Variants in UBTD2 observed in about 807,000 individuals in gnomAD.
UBTD2 encodes ubiquitin domain containing 2, also known as ubiquitin domain-containing protein 2.
UBTD2 carries 9 observed loss-of-function variants against 19.8 expected under a neutral mutation model. That is an observed-to-expected ratio of 0.46 (90% CI 0.27 to 0.79). The LOEUF is 0.79. Ranked by LOEUF, UBTD2 falls within the 30% of genes least tolerant of loss-of-function variation. UBTD2 has a pLI of 0.14. For missense variants in UBTD2, 250 were observed against 300.4 expected (o/e 0.83, Z 1.24); for synonymous variants, 98 against 103.9 (o/e 0.94, Z 0.35).
intron 1 of UBTD2, among the ~76,000 whole-genome samples, chr5:172,250,464 A>T (rs1235411201): frequency 6.6e-6 from 1 of 152,146 alleles, no homozygotes; most frequent in Non-Finnish European, 1.5e-5. Flanking sequence ...TGAGGAATCT[A>T]AGCATTCAAA....
At chr5:172,240,092 C>T (rs1021947106) in intron 1 of UBTD2, among the ~76,000 whole-genome samples, 4 of 152,150 alleles carry the variant, frequency 2.6e-5, no homozygotes, top group African/African-American at 9.7e-5. Flanking sequence ...TTCACTATGG[C>T]CAATGGAATG....
intron 1 of UBTD2, among the ~76,000 whole-genome samples, chr5:172,271,573 G>A (rs1207068718): frequency 6.6e-6 from 1 of 151,976 alleles, no homozygotes; most frequent in East Asian, 1.9e-4. Context: ...CTACTTAAAT[G>A]TATGATTCCT....
chr5:172,283,990 G>C (rs1406671297), upstream of UBTD2: 1 of 148,884 alleles, frequency 6.7e-6, no homozygotes, highest in East Asian at 2.0e-4. This position sits in a 1 kb window ranked among gnomAD's most constrained non-coding sequence, Gnocchi z 4.3. Flanking sequence ...CCCCCTCACA[G>C]CCCCGCACAC....
In UBTD2 at chr5:172,283,234, T is replaced by C. The variant is rs990334245; in HGVS notation, c.70+362A>G. On this transcript the variant is annotated intron_variant, in intron 1 of 2. Coordinates refer to ENST00000393792, the MANE Select transcript of UBTD2 (RefSeq NM_152277.3). This position sits in a 1 kb window ranked among gnomAD's most constrained non-coding sequence, Gnocchi z 4.3. ...CGCATCAAGCTCCCTCCCCCCGCCATCAATTCGCTTTTCTGCAACCCCGGC... is the reference window on the plus strand; with the variant it reads ...CGCATCAAGCTCCCTCCCCCCGCCACCAATTCGCTTTTCTGCAACCCCGGC... Among the ~76,000 whole-genome samples the C allele has an allele frequency of 1.3e-5, 2 of 151,972 alleles. No individual in the cohort carries two copies. Among genetic ancestry groups the C allele is most frequent in the Non-Finnish European group, 2.9e-5 (2 of 67,970 alleles).
At chr5:172,214,707 G>C (rs1771510854) in intron 2 of UBTD2, among the ~76,000 whole-genome samples, 3 of 152,166 alleles carry the variant, frequency 2.0e-5, no homozygotes, top group Admixed American at 2.0e-4. Context: ...CCGTATTTCA[G>C]TATTTTTAGA....
chr5:172,280,520 A>AC (rs1487337430), intron 1 of UBTD2, among the ~76,000 whole-genome samples: 5 of 151,442 alleles, frequency 3.3e-5, no homozygotes, highest in Admixed American at 2.0e-4. Context: ...AAAAAAAAAA[A>AC]AAAAAAAAAC....
chr5:172,244,446 G>A lies in UBTD2; in HGVS notation c.71-10088C>T, dbSNP rs545935647. ...GGGGTAGCTGGGATTACAGGCATGC[G>A]CCACCACGCCCGGCTAATTTTTTGT... On this transcript the variant is annotated intron_variant, in intron 1 of 2. Coordinates refer to ENST00000393792, the MANE Select transcript of UBTD2 (RefSeq NM_152277.3). Among the ~76,000 whole-genome samples the A allele has an allele frequency of 6.0e-3, 911 of 151,826 alleles. 8 individuals carry two copies. Among genetic ancestry groups the A allele is most frequent in the Non-Finnish European group, 8.4e-3 (573 of 67,914 alleles).
rs1241151556 is a variant in UBTD2, at chr5:172,218,810, T to TA, written c.308-6584dup. 2.4e-3 allele frequency among the ~76,000 whole-genome samples: 307 copies of TA among 128,354 alleles called. 3 individuals carry two copies. The highest frequency in any genetic ancestry group is 7.1e-3 in the African/African-American group (231 of 32,668). 84.2% of individuals were successfully genotyped at this position (128,354 alleles called of 152,430 possible). ...AAAAATAAAAAAATAAAAAAAAAAA[T>TA]AAAAAATAAAAATAAAAAAAATTCA... On this transcript the variant is annotated intron_variant, in intron 2 of 2. Coordinates refer to ENST00000393792, the MANE Select transcript of UBTD2 (RefSeq NM_152277.3).
chr5:172,256,978 CT>C (rs1006144028), intron 1 of UBTD2, among the ~76,000 whole-genome samples: 26 of 152,032 alleles, frequency 1.7e-4, no homozygotes, highest in African/African-American at 6.0e-4. Flanking sequence ...TTGATGAATT[CT>C]TTTTTTTCTT....
upstream of UBTD2, chr5:172,283,887 C>G (rs1291124041): frequency 6.0e-6 from 1 of 165,742 alleles, no homozygotes; most frequent in African/African-American, 2.4e-5. This position sits in a 1 kb window ranked among gnomAD's most constrained non-coding sequence, Gnocchi z 4.3. Context: ...GCCGCCCGCC[C>G]GGCAGGCCTG....
At chr5:172,282,966 A>T (rs1581238857) in intron 1 of UBTD2, among the ~76,000 whole-genome samples, 1 of 151,726 alleles carries the variant, frequency 6.6e-6, no homozygotes, top group Admixed American at 6.6e-5. Flanking sequence ...CCGGCCTAAC[A>T]CCCCCAAGCT....
chr5:172,235,404 G>C (rs1192518561), intron 1 of UBTD2, among the ~76,000 whole-genome samples: 1 of 152,180 alleles, frequency 6.6e-6, no homozygotes, highest in Non-Finnish European at 1.5e-5. Flanking sequence ...TTTAGTCAAG[G>C]AACTGTAAAT....
chr5:172,246,992 G>A (rs1325004836), intron 1 of UBTD2, among the ~76,000 whole-genome samples: 1 of 151,034 alleles, frequency 6.6e-6, no homozygotes. Flanking sequence ...CTGACCCCAT[G>A]ATCCGCCTGC....
At chr5:172,222,082 G>C (rs1771663379) in intron 2 of UBTD2, among the ~76,000 whole-genome samples, 1 of 151,994 alleles carries the variant, frequency 6.6e-6, no homozygotes, top group South Asian at 2.1e-4. Flanking sequence ...TAAGTCTATA[G>C]GTTTATGGGT....
chr5:172,253,529 C>G (rs1263640226), intron 1 of UBTD2, among the ~76,000 whole-genome samples: 1 of 151,674 alleles, frequency 6.6e-6, no homozygotes, highest in African/African-American at 2.4e-5. Flanking sequence ...TCTCCACTCA[C>G]TGCAACCTCC....
At chr5:172,229,790 A>AT (rs2113888553) in intron 2 of UBTD2, among the ~76,000 whole-genome samples, 1 of 152,280 alleles carries the variant, frequency 6.6e-6, no homozygotes, top group Admixed American at 6.5e-5. Flanking sequence ...TGAATAGTAT[A>AT]CTATTCACTA....
intron 1 of UBTD2, among the ~76,000 whole-genome samples, chr5:172,277,201 T>C (rs1319921843): frequency 6.6e-6 from 1 of 152,072 alleles, no homozygotes; most frequent in South Asian, 2.1e-4. Flanking sequence ...CTATAAACCA[T>C]TTCACTGCTA....
intron 1 of UBTD2, among the ~76,000 whole-genome samples, chr5:172,253,227 G>A (rs1024663450): frequency 2.6e-5 from 4 of 151,874 alleles, no homozygotes; most frequent in Admixed American, 2.0e-4. Context: ...CTATGACTAC[G>A]ATCATTACAA....
At chr5:172,274,800 G>A (rs1755574764) in intron 1 of UBTD2, among the ~76,000 whole-genome samples, 1 of 152,016 alleles carries the variant, frequency 6.6e-6, no homozygotes, top group Non-Finnish European at 1.5e-5. Flanking sequence ...CAGCACTTTG[G>A]GTGGCCGAGG....
Sources: gnomAD v4.1 joint callset for allele counts (sites outside exome capture counted in the v4.1 genomes callset) on GRCh38, gnomAD v4.1.1 for gene constraint, Gnocchi (gnomAD v3.1) non-coding constraint, MANE v1.5 for transcripts, NCBI Gene and HGNC (gene_info 2026-07-23, HGNC 2026-07-21) for gene names.